The following SYNE1 variants were observed in gnomAD, a reference collection of about 807,000 sequenced individuals.
SYNE1 encodes the protein nesprin-1.
Under a neutral mutation model 1,111.0 loss-of-function variants are expected in SYNE1, and 616 were observed. The ratio of observed to expected loss-of-function variants is 0.55; its 90% CI spans 0.52 to 0.59. The LOEUF (loss-of-function observed/expected upper bound fraction) is 0.59, where lower values mean the gene tolerates loss of function less well. SYNE1 is among the 20% of genes least tolerant of loss of function. The pLI is 0.00. For synonymous variants in SYNE1, 3,855 were observed against 3,825.8 expected, an observed-to-expected ratio of 1.01 and a Z score of -0.28; for missense variants, 10,006 against 10,417.0, an observed-to-expected ratio of 0.96 and a Z score of 1.72.
chr6:152,555,234 C>G (rs1463551794), intron 3 of SYNE1, among the ~76,000 whole-genome samples: 1 of 152,140 alleles, frequency 6.6e-6, no homozygotes, highest in East Asian at 1.9e-4. Context: ...TTTACATTCT[C>G]AATCCGTTCC....
chr6:152,445,275 G>C (rs994658110), intron 29 of SYNE1, among the ~76,000 whole-genome samples: 1 of 151,948 alleles, frequency 6.6e-6, no homozygotes, highest in Admixed American at 6.6e-5. Flanking sequence ...TTGAAAAAGA[G>C]AATAAAAGAG....
chr6:152,301,967 G>C lies in SYNE1; in HGVS notation c.17443C>G (p.Leu5815Val), dbSNP rs987594036. ...CCCTCGACCTCGGTCACCGTCAGCA[G>C]CATGGTGGCGTGCTTGGCTTTCATC... The part of the protein sequence containing the change: ...LTMKAKHATM[L>V]LTVTEVEGLA... Residue 5815 changes from leucine to valine, a missense_variant, in exon 92 of 146, where the codon CTG becomes GTG. By Grantham distance (32) the Leu-to-Val change is conservative (BLOSUM62 1). Coordinates refer to ENST00000367255, the MANE Select transcript of SYNE1 (RefSeq NM_182961.4). 9.9e-6 allele frequency: 16 copies of C among 1,614,140 alleles called. 1 individual carries two copies. Among genetic ancestry groups the C allele is most frequent in the Admixed American group, 1.7e-5 (1 of 60,012 alleles).
At chr6:152,383,820 C>T (rs368193827) in intron 55 of SYNE1, among the ~76,000 whole-genome samples, 4 of 152,322 alleles carry the variant, frequency 2.6e-5, no homozygotes. Context: ...GCCCCCAAGA[C>T]ATTACTACTA....
chr6:152,278,662 CG>C (rs1453068184), intron 97 of SYNE1, among the ~76,000 whole-genome samples: 1 of 152,062 alleles, frequency 6.6e-6, no homozygotes, highest in Non-Finnish European at 1.5e-5. Context: ...GGGGTTTCAC[CG>C]TGTTAGCTAG....
intron 100 of SYNE1, among the ~76,000 whole-genome samples, chr6:152,263,325 G>A (rs2092301401): frequency 1.3e-5 from 2 of 152,174 alleles, no homozygotes; most frequent in South Asian, 4.2e-4. Flanking sequence ...GATATGGGAG[G>A]AAGGCCCTGC....
At chr6:152,371,499 C>T (rs79304022) in intron 59 of SYNE1, among the ~76,000 whole-genome samples, 1,754 of 148,638 alleles carry the variant, frequency 0.012, 33 homozygotes, top group African/African-American at 0.041. Flanking sequence ...CTTATAACAT[C>T]GTGAGAATGA....
intron 131 of SYNE1, among the ~76,000 whole-genome samples, chr6:152,163,501 GAAAAAA>G (rs35413195): frequency 8.7e-6 from 1 of 114,680 alleles, no homozygotes; most frequent in African/African-American, 3.3e-5. Context: ...TCTGTCTCAG[GAAAAAA>G]AAAAAAAAAA....
At chr6:152,245,542 G>C (rs2153575895) in intron 105 of SYNE1, among the ~76,000 whole-genome samples, 1 of 152,302 alleles carries the variant, frequency 6.6e-6, no homozygotes, top group East Asian at 1.9e-4. Context: ...TTGTTTGCTT[G>C]TTCTCTGGCA....
intron 103 of SYNE1, 24 bp downstream of exon 103, chr6:152,255,567 A>G (rs2090614853): frequency 6.2e-7 from 1 of 1,613,958 alleles, no homozygotes; most frequent in Non-Finnish European, 8.5e-7. Context: ...TTATACACAC[A>G]CAGGCAGGAA....
At chr6:152,415,789 TAAAAAAA>T (rs1209590450) in intron 41 of SYNE1, among the ~76,000 whole-genome samples, 3,068 of 73,040 alleles carry the variant, frequency 0.042, 44 homozygotes, top group Non-Finnish European at 0.053. Flanking sequence ...TTCAAAGTGG[TAAAAAAA>T]AAAAAAAAAA....
intron 63 of SYNE1, among the ~76,000 whole-genome samples, chr6:152,363,514 T>G (rs1328433537): frequency 2.8e-5 from 1 of 36,062 alleles, no homozygotes; most frequent in Non-Finnish European, 6.4e-5. Flanking sequence ...AATAAATAAA[T>G]AAATAAATAA....
At chr6:152,141,573 A>G (rs904606017) in intron 138 of SYNE1, among the ~76,000 whole-genome samples, 1 of 152,012 alleles carries the variant, frequency 6.6e-6, no homozygotes, top group Non-Finnish European at 1.5e-5. Context: ...GCTGGGGAAC[A>G]TGGCAAAACT....
chr6:152,606,629 G>A (rs2099615352), intron 3 of SYNE1, among the ~76,000 whole-genome samples: 1 of 148,532 alleles, frequency 6.7e-6, no homozygotes, highest in Admixed American at 6.7e-5. Flanking sequence ...GAGTGTCCTG[G>A]TTTTTCTGAG....
intron 2 of SYNE1, 26 bp from the exon 3 acceptor site, chr6:152,628,580 A>G (rs1158157940): frequency 1.9e-6 from 1 of 525,584 alleles, no homozygotes; most frequent in African/African-American, 1.9e-5. Flanking sequence ...GAAAAGGTAC[A>G]ACATAAAAAA....
chr6:152,582,751 T>C (rs2099524805), intron 3 of SYNE1, among the ~76,000 whole-genome samples: 1 of 152,070 alleles, frequency 6.6e-6, no homozygotes, highest in East Asian at 1.9e-4. Flanking sequence ...TTCCCTTTTT[T>C]GGAGTTTTCA....
intron 22 of SYNE1, chr6:152,456,809 T>C (rs982621600): frequency 1.2e-5 from 5 of 416,090 alleles, no homozygotes; most frequent in African/African-American, 8.2e-5. Flanking sequence ...TCAACTGCGT[T>C]AGAAAAATAC....
chr6:152,488,524 C>A, intron 11 of SYNE1, 21 bp from the exon 12 acceptor site: 2 of 1,272,258 alleles, frequency 1.6e-6, no homozygotes, highest in Non-Finnish European at 1.1e-6. Flanking sequence ...GGAGACATTA[C>A]AATTTTATTA....
At position 152,376,559 on chromosome 6, in the gene SYNE1, C is replaced by T; in HGVS notation, c.9147-1G>A. 2 of 1,613,756 alleles carry T rather than the reference C, an allele frequency of 1.2e-6. No individual in the cohort carries two copies. Among genetic ancestry groups the T allele is most frequent in the Non-Finnish European group, 1.7e-6 (2 of 1,180,002 alleles). On this transcript the variant is annotated splice_acceptor_variant, in intron 57 of 145. Coordinates refer to ENST00000367255, the MANE Select transcript of SYNE1 (RefSeq NM_182961.4). LOFTEE classifies it high-confidence loss of function. The stretch of plus-strand genomic sequence containing the variant: ...GCCCTTGGATGCTTGCAAACAAAGA[C>T]TGAAAAGGTGACGCAAAAATTTAAT...
chr6:152,459,187 T>C (rs1467475334), intron 21 of SYNE1, among the ~76,000 whole-genome samples: 1 of 152,210 alleles, frequency 6.6e-6, no homozygotes, highest in African/African-American at 2.4e-5. Flanking sequence ...TCCATCTGGA[T>C]AGCACTTTCT....
Sources: allele counts gnomAD v4.1 joint callset (sites outside exome capture counted in the v4.1 genomes callset), GRCh38; gene constraint gnomAD v4.1.1; transcripts MANE v1.5; gene names NCBI Gene and HGNC (gene_info 2026-07-23, HGNC 2026-07-21).